The following SEPTIN4 variants were observed in gnomAD, a reference collection of about 807,000 sequenced individuals.
SEPTIN4 encodes the protein septin 4.
A neutral mutation model predicts 107.1 loss-of-function variants in SEPTIN4; 52 were observed. The ratio of observed to expected loss-of-function variants is 0.49; its 90% CI spans 0.39 to 0.61. SEPTIN4 has a LOEUF of 0.61. Ranked by LOEUF, SEPTIN4 falls within the 20% of genes least tolerant of loss-of-function variation. SEPTIN4 has a pLI of 0.00. For missense variants in SEPTIN4, 1,048 were observed against 1,243.5 expected, an observed-to-expected ratio of 0.84 and a Z score of 2.36; for synonymous variants, 417 against 467.0, an observed-to-expected ratio of 0.89 and a Z score of 1.38.
chr17:58,532,242 C>G (rs956377273), intron 3 of SEPTIN4: 44 of 331,596 alleles, frequency 1.3e-4, no homozygotes, highest in Admixed American at 3.0e-4. Flanking sequence ...CAGAGTCACC[C>G]AGGACAGAGC....
chr17:58,523,762 G>A (rs2042533822), intron 7 of SEPTIN4, among the ~76,000 whole-genome samples: 1 of 151,866 alleles, frequency 6.6e-6, no homozygotes. Context: ...TTTGCACTGG[G>A]CCCAACAAAT....
At chr17:58,531,905 C>T (rs2144202109) in intron 3 of SEPTIN4, 2 of 1,126,064 alleles carry the variant, frequency 1.8e-6, no homozygotes, top group Non-Finnish European at 2.2e-6. Context: ...CGGGAGCGAC[C>T]GGCCCTGCGC....
At chr17:58,525,976 C>A (rs949446468) in intron 5 of SEPTIN4, among the ~76,000 whole-genome samples, 195 bp from the exon 6 acceptor site, 5 of 152,096 alleles carry the variant, frequency 3.3e-5, no homozygotes, top group African/African-American at 9.7e-5. Context: ...CAGGGTCACA[C>A]AAAAAGAGGC....
chr17:58,526,671 G>A lies in SEPTIN4; in HGVS notation c.1911+11C>T. Reference sequence around the variant, plus strand: ...CCCACTGAAAGGCAAAGGCAGGGCTGGAGGCTCTACCTCAGAGGAATCATA... The same window carrying A: ...CCCACTGAAAGGCAAAGGCAGGGCTAGAGGCTCTACCTCAGAGGAATCATA... On this transcript the variant is annotated intron_variant, in intron 4 of 13. Coordinates refer to ENST00000672673, the MANE Select transcript of SEPTIN4 (RefSeq NM_001368771.2). 2 of 1,551,534 alleles carry A rather than the reference G, an allele frequency of 1.3e-6. No individual in the cohort carries two copies. The highest frequency in any genetic ancestry group is 2.3e-5 in the East Asian group (1 of 44,418).
chr17:58,522,998 C>T (rs989215098), intron 7 of SEPTIN4, among the ~76,000 whole-genome samples: 1 of 152,154 alleles, frequency 6.6e-6, no homozygotes, highest in Admixed American at 6.5e-5. Context: ...TCCTCACTGC[C>T]CTGACAGGTG....
At chr17:58,529,152 T>C in intron 3 of SEPTIN4, 1 of 1,614,180 alleles carries the variant, frequency 6.2e-7, no homozygotes, top group African/African-American at 1.3e-5. Context: ...AGAATTCCCT[T>C]GCCATCCCAG....
chr17:58,542,067 T>A, intron 1 of SEPTIN4, 101 bp from the exon 2 acceptor site: 1 of 1,392,190 alleles, frequency 7.2e-7, no homozygotes, highest in Non-Finnish European at 9.8e-7. Flanking sequence ...ATTTCTCCAC[T>A]CAAAGGTGCC....
chr17:58,544,232 G>T lies in SEPTIN4; in HGVS notation c.-46C>A. ...GAGTAGATCCCGTATTTTACTGGCTGGCTTGTATTCAGGATCCTAATGATG... is the reference window on the plus strand; with the variant it reads ...GAGTAGATCCCGTATTTTACTGGCTTGCTTGTATTCAGGATCCTAATGATG... On this transcript the variant is annotated 5_prime_UTR_variant, in exon 1 of 14. Transcript: ENST00000672673. 4 of 1,550,678 alleles carry T rather than the reference G, an allele frequency of 2.6e-6. No homozygotes were observed. Among genetic ancestry groups the T allele is most frequent in the Non-Finnish European group, 3.5e-6 (4 of 1,150,450 alleles).
Position 58,520,742 on chromosome 17 carries a change from C to T in SEPTIN4, c.2931+1G>A, listed in dbSNP as rs1392532962. 2 of 1,614,052 alleles carry T rather than the reference C, an allele frequency of 1.2e-6. No individual in the cohort carries two copies. The highest frequency in any genetic ancestry group is 1.3e-5 in the African/African-American group (1 of 74,922). On this transcript the variant is annotated splice_donor_variant, in intron 13 of 13. Coordinates refer to ENST00000672673, the MANE Select transcript of SEPTIN4 (RefSeq NM_001368771.2). LOFTEE classifies it high-confidence loss of function. ...TCCCCTATACCCCATACTGCTCTCA[C>T]CTCCTCATCTTTCTCTCGGATAAGC...
In SEPTIN4 at chr17:58,525,182, C is replaced by T; in HGVS notation, c.2112G>A (p.Val704=). ...LGAEERIMQT[V]EITKHAVDIE... Reference sequence around the variant, plus strand: ...TGTCCACTGCATGCTTAGTGATCTCCACAGTTTGCATGATCCTCTCTGGAG... The same window carrying T: ...TGTCCACTGCATGCTTAGTGATCTCTACAGTTTGCATGATCCTCTCTGGAG... Residue 704 remains valine, a synonymous_variant, in exon 7 of 14, where the codon GTG becomes GTA. Coordinates refer to ENST00000672673, the MANE Select transcript of SEPTIN4 (RefSeq NM_001368771.2). The T allele has an allele frequency of 6.2e-7, 1 of 1,614,114 alleles. No homozygotes were observed. The highest frequency in any genetic ancestry group is 8.5e-7 in the Non-Finnish European group (1 of 1,180,028).
chr17:58,540,133 G>C (rs1300731555), intron 3 of SEPTIN4, among the ~76,000 whole-genome samples: 1 of 152,198 alleles, frequency 6.6e-6, no homozygotes, highest in East Asian at 1.9e-4. Flanking sequence ...AATAGCCAAA[G>C]TACTTATGGG....
At chr17:58,532,069 G>A (rs1253884853) in intron 3 of SEPTIN4, 1 of 1,105,806 alleles carries the variant, frequency 9.0e-7, no homozygotes, top group East Asian at 5.2e-5. Context: ...CCGCCTCCCC[G>A]AGTGCGGACC....
At chr17:58,520,685 A>T (rs2042167232) in intron 13 of SEPTIN4, 58 bp downstream of exon 13, 6 of 1,602,596 alleles carry the variant, frequency 3.7e-6, no homozygotes, top group Non-Finnish European at 5.1e-6. Context: ...CCAAACAAAG[A>T]GATACCAACG....
Position 58,544,328 on chromosome 17 carries a change from T to C in SEPTIN4, c.-142A>G. On this transcript the variant is annotated 5_prime_UTR_variant, in exon 1 of 14. Coordinates refer to ENST00000672673, the MANE Select transcript of SEPTIN4 (RefSeq NM_001368771.2). ...ACAAAAGTGGCTGTTGTTCTAAGAG[T>C]GTCTCAAATAATCCCCTTAGCTACC... is the stretch of plus-strand genomic sequence containing the variant. 8.5e-7 allele frequency: 1 copy of C among 1,169,668 alleles called. No homozygotes were observed. The highest frequency in any genetic ancestry group is 1.2e-6 in the Non-Finnish European group (1 of 839,342). The allele number at this position is 1,169,668 out of a possible 1,614,324, so 72.5% of individuals were successfully genotyped here. A position where few individuals can be genotyped will look rare whatever the true frequency, so the allele number is the denominator to read the frequency against.
At chr17:58,520,873 G>T (rs767609394) in intron 12 of SEPTIN4, 31 bp from the exon 13 acceptor site, 1 of 1,613,836 alleles carries the variant, frequency 6.2e-7, no homozygotes, top group African/African-American at 1.3e-5. Context: ...ATAAGGCGAG[G>T]AGGACCCCAG....
At chr17:58,532,001 C>T in intron 3 of SEPTIN4, 1 of 1,139,974 alleles carries the variant, frequency 8.8e-7, no homozygotes, top group Non-Finnish European at 1.1e-6. Flanking sequence ...GCCTGGACAG[C>T]GCCCGAGCGA....
intron 6 of SEPTIN4, 149 bp from the exon 7 acceptor site, chr17:58,525,350 G>A: frequency 1.1e-6 from 1 of 949,636 alleles, no homozygotes; most frequent in Non-Finnish European, 1.6e-6. Context: ...ACTGTTCTCT[G>A]GGAACCAGCA....
intron 6 of SEPTIN4, 177 bp from the exon 7 acceptor site, chr17:58,525,378 C>T (rs1176892948): frequency 1.3e-5 from 10 of 748,546 alleles, no homozygotes; most frequent in African/African-American, 1.8e-5. Flanking sequence ...CATTTCCCAA[C>T]ACAGGAAATG....
intron 5 of SEPTIN4, 120 bp from the exon 6 acceptor site, chr17:58,525,901 C>G: frequency 1.1e-6 from 1 of 926,558 alleles, no homozygotes; most frequent in African/African-American, 1.7e-5. Context: ...CTAGACTAAC[C>G]AAACTATAGC....
Sources: gnomAD v4.1 joint callset for allele counts (sites outside exome capture counted in the v4.1 genomes callset) on GRCh38, gnomAD v4.1.1 for gene constraint, MANE v1.5 for transcripts, NCBI Gene and HGNC (gene_info 2026-07-23, HGNC 2026-07-21) for gene names.